CCDC62: variants seen among roughly 807,000 people sequenced by gnomAD.
CCDC62 encodes the protein coiled-coil domain containing 62, also known as coiled-coil domain-containing protein 62.
A neutral mutation model predicts 80.8 loss-of-function variants in CCDC62; 72 were observed. The ratio of observed to expected loss-of-function variants is 0.89; its 90% CI spans 0.74 to 1.08. The LOEUF (loss-of-function observed/expected upper bound fraction) is 1.08. CCDC62 is among the 50% of genes least tolerant of loss of function. CCDC62 has a pLI of 0.00. For synonymous variants in CCDC62, 286 were observed against 296.5 expected, an observed-to-expected ratio of 0.96 and a Z score of 0.36; for missense variants, 704 against 809.4, an observed-to-expected ratio of 0.87 and a Z score of 1.58.
chr12:122,810,828 T>A (rs2031837052), intron 10 of CCDC62, among the ~76,000 whole-genome samples: 1 of 152,148 alleles, frequency 6.6e-6, no homozygotes, highest in Admixed American at 6.6e-5. Context: ...CACCATGGAA[T>A]ACTATGCAGC....
In CCDC62 at chr12:122,812,776, AGAG is replaced by A. The variant is rs1450112798; in HGVS notation, c.1852-493_1852-491del. 2.6e-4 allele frequency among the ~76,000 whole-genome samples: 23 copies of A among 87,650 alleles called. No individual in the cohort carries two copies. In the Middle Eastern group the frequency reaches 0.017, roughly 64 times the overall value. The allele number at this position is 87,650 out of a possible 152,430, so 57.5% of individuals were successfully genotyped here. A position where few individuals can be genotyped will look rare whatever the true frequency, so the allele number is the denominator to read the frequency against. On this transcript the variant is annotated intron_variant, in intron 10 of 12. Coordinates refer to ENST00000253079, the MANE Select transcript of CCDC62 (RefSeq NM_201435.5). ...GGGAGGGAGAGAGAGAGAGAGAGAG[AGAG>A]AAAGAAAGAAAGAAAGAAAGAAAGA...
At chr12:122,812,781 A>AGAGAG (rs1566086652) in intron 10 of CCDC62, among the ~76,000 whole-genome samples, 79 of 83,068 alleles carry the variant, frequency 9.5e-4, no homozygotes, top group African/African-American at 5.5e-3. Flanking sequence ...GAGAGAGAGA[A>AGAGAG]AGAAAGAAAG....
intron 4 of CCDC62, among the ~76,000 whole-genome samples, chr12:122,786,922 T>C (rs2030281196): frequency 6.6e-6 from 1 of 152,138 alleles, no homozygotes; most frequent in African/African-American, 2.4e-5. Context: ...ATCGCGCCAC[T>C]GCACTCCAGC....
intron 11 of CCDC62, among the ~76,000 whole-genome samples, chr12:122,816,421 T>A (rs1361153355): frequency 3.3e-5 from 5 of 152,194 alleles, no homozygotes; most frequent in Non-Finnish European, 7.3e-5. Flanking sequence ...TTCTTTAAAA[T>A]ACATTTTTTT....
chr12:122,814,339 A>G (rs1420854285), intron 11 of CCDC62, among the ~76,000 whole-genome samples: 1 of 150,832 alleles, frequency 6.6e-6, no homozygotes, highest in East Asian at 2.0e-4. Context: ...TCAAATATGC[A>G]CTGAAGTGGA....
In CCDC62 at chr12:122,777,497, G is replaced by A. The variant is rs374092851; in HGVS notation, c.43G>A (p.Gly15Arg). The A allele has an allele frequency of 2.2e-4, 351 of 1,605,854 alleles. 7 individuals are homozygous for A. The South Asian group carries it at 3.2e-3, about 15-fold the overall frequency. ...AACCGCTTTCTATGTTTAGAACATCGGGTCAGAAGTTGAGATTTCCACTAT... is the reference window on the plus strand; with the variant it reads ...AACCGCTTTCTATGTTTAGAACATCAGGTCAGAAGTTGAGATTTCCACTAT... ...AAFLAGRQNI[G>R]SEVEISTIEK... Residue 15 changes from glycine (G) to arginine (R), a missense_variant, in exon 2 of 13, where the codon GGG becomes AGG. Gly to Arg is a moderately radical substitution (Grantham distance 125). Transcript: ENST00000253079.
intron 3 of CCDC62, among the ~76,000 whole-genome samples, chr12:122,783,093 C>G (rs931900098): frequency 2.1e-5 from 3 of 145,438 alleles, no homozygotes; most frequent in Non-Finnish European, 4.6e-5. Context: ...GGGGAAAGAG[C>G]GAGACTCCTT....
intron 6 of CCDC62, among the ~76,000 whole-genome samples, chr12:122,794,663 A>G (rs966170918): frequency 6.6e-6 from 1 of 152,066 alleles, no homozygotes; most frequent in Non-Finnish European, 1.5e-5. Context: ...AAAAGAATTT[A>G]TTTATTTAGT....
Position 122,797,350 on chromosome 12 carries a change from G to A in CCDC62, c.816G>A (p.Lys272=), listed in dbSNP as rs1197502961. The change falls in exon 7 of 13, where the codon AAG becomes AAA. Residue 272 remains lysine, a synonymous_variant. Coordinates refer to ENST00000253079, the MANE Select transcript of CCDC62 (RefSeq NM_201435.5). Reference sequence around the variant, plus strand: ...AAGATGAATTGCTTAATATTGCGAAGTCAAAGCAAGAACGCACAAATTCAG... The same window carrying A: ...AAGATGAATTGCTTAATATTGCGAAATCAAAGCAAGAACGCACAAATTCAG... ...KRKDELLNIA[K]SKQERTNSEL... 1.2e-6 allele frequency: 2 copies of A among 1,601,254 alleles called. No homozygotes were observed. The highest frequency in any genetic ancestry group is 1.3e-5 in the African/African-American group (1 of 74,638).
In CCDC62 at chr12:122,800,600, G is replaced by C. The variant is rs545705842; in HGVS notation, c.978-524G>C. Among the ~76,000 whole-genome samples, 15 of 151,890 alleles carry C rather than the reference G, an allele frequency of 9.9e-5. 1 individual carries two copies. In the South Asian group the frequency reaches 2.7e-3, roughly 27 times the overall value. On this transcript the variant is annotated intron_variant, in intron 8 of 12. Transcript: ENST00000253079. ...GCGCCACCACGCCCGGCTAATTTTT[G>C]TATATTTAGTAGATGGGGTTTCTCC...
chr12:122,825,927 T>A (rs1482979362), intron 12 of CCDC62, among the ~76,000 whole-genome samples: 1 of 136,822 alleles, frequency 7.3e-6, no homozygotes, highest in African/African-American at 2.8e-5. Context: ...CGGGAGGCGG[T>A]GGTTGCAATG....
At position 122,801,114 on chromosome 12, in the gene CCDC62, G is replaced by A. The variant is rs368964886; in HGVS notation, c.978-10G>A. On this transcript the variant is annotated splice_polypyrimidine_tract_variant and intron_variant, in intron 8 of 12. Coordinates refer to ENST00000253079, the MANE Select transcript of CCDC62 (RefSeq NM_201435.5). Reference sequence around the variant, plus strand: ...TTATAACCTCCATTTTTTTTCTAATGCCACCATAGCAGAGACATGTGTTTA... The same window carrying A: ...TTATAACCTCCATTTTTTTTCTAATACCACCATAGCAGAGACATGTGTTTA... The A allele has an allele frequency of 6.3e-7, 1 of 1,581,570 alleles. No individual in the cohort carries two copies. The highest frequency in any genetic ancestry group is 2.0e-5 in the Admixed American group (1 of 51,194).
At chr12:122,798,348 AT>A (rs2031091761) in intron 8 of CCDC62, 148 bp downstream of exon 8, 4 of 569,102 alleles carry the variant, frequency 7.0e-6, no homozygotes, top group Non-Finnish European at 9.5e-6. Context: ...CACACCTGTA[AT>A]CCCAGCACTT....
rs2032639519 is a variant in CCDC62 at position 122,826,500 on chromosome 12, T to C, written c.*119T>C. Reference sequence around the variant, plus strand: ...TAACCGTAAAACTGAAAGAGGATTCTAGTTCTTCATAAACGGCACTTAATT... The same window carrying C: ...TAACCGTAAAACTGAAAGAGGATTCCAGTTCTTCATAAACGGCACTTAATT... On this transcript the variant is annotated 3_prime_UTR_variant, in exon 13 of 13. Coordinates refer to ENST00000253079, the MANE Select transcript of CCDC62 (RefSeq NM_201435.5). The C allele has an allele frequency of 1.3e-6, 1 of 770,274 alleles. No homozygotes were observed. The highest frequency in any genetic ancestry group is 1.4e-5 in the South Asian group (1 of 72,180). 47.7% of individuals were successfully genotyped at this position (770,274 alleles called of 1,614,324 possible).
intron 9 of CCDC62, among the ~76,000 whole-genome samples, chr12:122,802,329 TGGGAGGCCAA>T (rs1292843173): frequency 6.6e-6 from 1 of 151,288 alleles, no homozygotes; most frequent in Non-Finnish European, 1.5e-5. Context: ...TCTAGCACTT[TGGGAGGCCAA>T]GGCAGGAGGG....
intron 1 of CCDC62, among the ~76,000 whole-genome samples, chr12:122,775,543 G>T (rs576397706): frequency 4.2e-4 from 64 of 152,246 alleles, no homozygotes; most frequent in Non-Finnish European, 8.2e-4. Context: ...TCAAGCCTTG[G>T]GACTTGAAAT....
intron 9 of CCDC62, 94 bp from the exon 10 acceptor site, chr12:122,806,057 T>G: frequency 8.7e-7 from 1 of 1,151,254 alleles, no homozygotes; most frequent in Non-Finnish European, 1.2e-6. Context: ...CAAAAACACT[T>G]ATTTGTCCTT....
At chr12:122,797,905 A>C (rs1267403303) in intron 7 of CCDC62, among the ~76,000 whole-genome samples, 180 bp from the exon 8 acceptor site, 1 of 152,208 alleles carries the variant, frequency 6.6e-6, no homozygotes, top group East Asian at 1.9e-4. Context: ...GAGCCCAGCT[A>C]TCCTAGCAAA....
Position 122,827,526 on chromosome 12 carries a change from G to C in CCDC62, c.*1145G>C, listed in dbSNP as rs936232378. On this transcript the variant is annotated 3_prime_UTR_variant, in exon 13 of 13. Transcript: ENST00000253079. The stretch of plus-strand genomic sequence containing the variant: ...ATGCGTGCTTTCTCCCTCAGGCTGG[G>C]CTGTCTAGAGCAAAACGGAGAAAGG... 1 of 152,158 alleles carries C rather than the reference G, an allele frequency of 6.6e-6. No individual in the cohort carries two copies. The highest frequency in any genetic ancestry group is 2.1e-4 in the South Asian group (1 of 4,830). 9.4% of individuals were successfully genotyped at this position (152,158 alleles called of 1,614,324 possible).
Sources: gnomAD v4.1 joint callset for allele counts (sites outside exome capture counted in the v4.1 genomes callset) on GRCh38, gnomAD v4.1.1 for gene constraint, MANE v1.5 for transcripts, NCBI Gene and HGNC (gene_info 2026-07-23, HGNC 2026-07-21) for gene names.